The following ADH1A variants were observed in gnomAD, a reference collection of about 807,000 sequenced individuals.
ADH1A encodes alcohol dehydrogenase 1A (class I), alpha polypeptide, also known as alcohol dehydrogenase 1A.
A neutral mutation model predicts 35.2 loss-of-function variants in ADH1A; 29 were observed. The observed-to-expected ratio is 0.82, with a 90% CI of 0.61 to 1.12. The LOEUF (loss-of-function observed/expected upper bound fraction) is 1.12. Ranked by LOEUF, ADH1A falls within the 50% of genes most tolerant of loss-of-function variation. ADH1A has a pLI of 0.00. For missense variants in ADH1A, 469 were observed against 464.7 expected (o/e 1.01, Z -0.09); for synonymous variants, 147 against 164.8 (o/e 0.89, Z 0.83).
chr4:99,283,176 T>G (rs1413195479), intron 5 of ADH1A, among the ~76,000 whole-genome samples: 1 of 152,190 alleles, frequency 6.6e-6, no homozygotes, highest in African/African-American at 2.4e-5. Flanking sequence ...AATACACTAG[T>G]GAATAACACA....
At chr4:99,285,641 T>C (rs1220220598) in intron 3 of ADH1A, among the ~76,000 whole-genome samples, 2 of 152,158 alleles carry the variant, frequency 1.3e-5, no homozygotes, top group Non-Finnish European at 2.9e-5. Context: ...TTATTACTAC[T>C]AAAGAAATTA....
Position 99,286,986 on chromosome 4 carries a change from C to A in ADH1A, c.123G>T (p.Met41Ile). The A allele has an allele frequency of 1.2e-6, 2 of 1,613,578 alleles. No homozygotes were observed. The highest frequency in any genetic ancestry group is 1.7e-6 in the Non-Finnish European group (2 of 1,179,778). The change falls in exon 3 of 9, where the codon ATG (methionine) becomes ATT (isoleucine). Residue 41 changes from methionine to isoleucine, a missense_variant and splice_region_variant. By Grantham distance (10) the Met-to-Ile change is conservative (BLOSUM62 1). Transcript: ENST00000209668. Reference sequence around the variant, plus strand: ...CTGTGCCACAGATTCCTACAGCCACCATCTACAGAGTGAAGAGAAGATGTT... The same window carrying A: ...CTGTGCCACAGATTCCTACAGCCACAATCTACAGAGTGAAGAGAAGATGTT... ...PPKAHEVRIK[M>I]VAVGICGTDD...
At chr4:99,279,112 TA>T (rs1342331974) in intron 8 of ADH1A, among the ~76,000 whole-genome samples, 1 of 151,944 alleles carries the variant, frequency 6.6e-6, no homozygotes, top group African/African-American at 2.4e-5. Context: ...TAATTATGGT[TA>T]TTTAAAAAGA....
Position 99,284,756 on chromosome 4 carries a change from T to C in ADH1A, c.307A>G (p.Ile103Val), listed in dbSNP as rs1179002650. The C allele has an allele frequency of 6.2e-6, 10 of 1,614,236 alleles. No homozygotes were observed. The highest frequency in any genetic ancestry group is 8.5e-6 in the Non-Finnish European group (10 of 1,180,044). Reference protein sequence around the residue: ...LAIPQCGKCRICKNPESNYCL... With the variant: ...LAIPQCGKCRVCKNPESNYCL... ...TAGTTGCTCTCCGGGTTTTTACAAA[T>C]TCTGCATTTTCCACACTGAGGAATA... Residue 103 changes from isoleucine (I) to valine (V), a missense_variant, in exon 4 of 9, where the codon ATT (isoleucine) becomes GTT (valine). Ile to Val is a conservative substitution (Grantham distance 29). Coordinates refer to ENST00000209668, the MANE Select transcript of ADH1A (RefSeq NM_000667.4).
chr4:99,280,134 A>G lies in ADH1A; in HGVS notation c.964+10T>C. 1 of 1,613,814 alleles carries G rather than the reference A, an allele frequency of 6.2e-7. No homozygotes were observed. The highest frequency in any genetic ancestry group is 2.2e-5 in the East Asian group (1 of 44,878). Reference sequence around the variant, plus strand: ...TAATGAGAATTTGGCTCTGAAGCCTAACTACATACCACCAAGAATAGCTCC... The same window carrying G: ...TAATGAGAATTTGGCTCTGAAGCCTGACTACATACCACCAAGAATAGCTCC... On this transcript the variant is annotated intron_variant, in intron 7 of 8. Transcript: ENST00000209668.
At chr4:99,279,069 G>T (rs1201360394) in intron 8 of ADH1A, among the ~76,000 whole-genome samples, 1 of 152,024 alleles carries the variant, frequency 6.6e-6, no homozygotes, top group African/African-American at 2.4e-5. Context: ...TTTTATATAG[G>T]TGGTAGGCAG....
intron 5 of ADH1A, 119 bp downstream of exon 5, chr4:99,284,280 A>G (rs1733083155): frequency 9.2e-7 from 1 of 1,089,972 alleles, no homozygotes; most frequent in Non-Finnish European, 1.4e-6. Context: ...TTGTGTTTCT[A>G]TTCTTAGTCG....
At chr4:99,277,428 T>A (rs1732897385) in intron 8 of ADH1A, among the ~76,000 whole-genome samples, 4 of 152,104 alleles carry the variant, frequency 2.6e-5, no homozygotes, top group Admixed American at 2.6e-4. Flanking sequence ...TAGAAAATGA[T>A]GGTCTTTGTG....
In ADH1A at chr4:99,282,548, A is replaced by G. The variant is rs1204208159; in HGVS notation, c.626T>C (p.Ile209Thr). The change falls in exon 6 of 9, where the codon ATT (isoleucine) becomes ACT (threonine). Residue 209 changes from isoleucine (I) to threonine (T), a missense_variant. By Grantham distance (89) the Ile-to-Thr change is moderately conservative (BLOSUM62 -1). Coordinates refer to ENST00000209668, the MANE Select transcript of ADH1A (RefSeq NM_000667.4). The stretch of plus-strand genomic sequence containing the variant: ...TGCCCCAGCTGCTTTACAGCCCATA[A>G]TAGCAGATAGGCCGACCCCTCCCAG... ...FGLGGVGLSA[I>T]MGCKAAGAAR... The G allele has an allele frequency of 9.9e-6, 16 of 1,614,078 alleles. No individual in the cohort carries two copies. In the Admixed American group the frequency reaches 1.0e-4, roughly 10 times the overall value.
intron 7 of ADH1A, among the ~76,000 whole-genome samples, chr4:99,279,922 A>G (rs1462758568): frequency 6.6e-6 from 1 of 152,160 alleles, no homozygotes; most frequent in Non-Finnish European, 1.5e-5. Context: ...AAGTACGAAA[A>G]CAGATGAAGA....
At position 99,286,864 on chromosome 4, in the gene ADH1A, G is replaced by A. The variant is rs372171102; in HGVS notation, c.245C>T (p.Thr82Ile). 1.1e-5 allele frequency: 18 copies of A among 1,613,942 alleles called. No homozygotes were observed. The African/African-American group carries it at 1.9e-4, about 17-fold the overall frequency. The stretch of plus-strand genomic sequence containing the variant: ...GAATCCTGTACCTGGTTTGACTGTA[G>A]TCACCCCTTCTCCAACACTCTCCAC... Reference protein sequence around the residue: ...GIVESVGEGVTTVKPGDKVIP... With the variant: ...GIVESVGEGVITVKPGDKVIP... The change falls in exon 3 of 9, where the codon ACT becomes ATT. Residue 82 changes from threonine to isoleucine, a missense_variant. By Grantham distance (89) the Thr-to-Ile change is moderately conservative. Coordinates refer to ENST00000209668, the MANE Select transcript of ADH1A (RefSeq NM_000667.4).
Position 99,286,969 on chromosome 4 carries a change from C to T in ADH1A, c.140G>A (p.Cys47Tyr). 1 of 1,614,108 alleles carries T rather than the reference C, an allele frequency of 6.2e-7. No homozygotes were observed. Among genetic ancestry groups the T allele is most frequent in the Non-Finnish European group, 8.5e-7 (1 of 1,179,970 alleles). Residue 47 changes from cysteine (C) to tyrosine (Y), a missense_variant, in exon 3 of 9, where the codon TGT becomes TAT. Cys to Tyr is a radical substitution (Grantham distance 194, BLOSUM62 -2). Transcript: ENST00000209668. The part of the protein sequence containing the change: ...VRIKMVAVGI[C>Y]GTDDHVVSGT... ...ACTAACCACGTGGTCATCTGTGCCA[C>T]AGATTCCTACAGCCACCATCTACAG...
chr4:99,279,653 A>G, intron 7 of ADH1A, 89 bp from the exon 8 acceptor site: 3 of 1,479,590 alleles, frequency 2.0e-6, no homozygotes, highest in Admixed American at 2.2e-5. Context: ...AAAGTTTAGA[A>G]AAGATGCTGC....
At chr4:99,286,717 G>A (rs1030514071) in intron 3 of ADH1A, 133 bp downstream of exon 3, 4 of 1,443,588 alleles carry the variant, frequency 2.8e-6, no homozygotes, top group East Asian at 4.6e-5. Flanking sequence ...AGGGAAAGAG[G>A]AAATCCCTGA....
At chr4:99,283,543 T>C (rs1228688694) in intron 5 of ADH1A, among the ~76,000 whole-genome samples, 2 of 152,156 alleles carry the variant, frequency 1.3e-5, no homozygotes, top group Non-Finnish European at 2.9e-5. Context: ...ATTTTCTAAC[T>C]TACTTAGAAA....
At chr4:99,288,361 G>GTA (rs1733209604) in intron 1 of ADH1A, among the ~76,000 whole-genome samples, 1 of 133,562 alleles carries the variant, frequency 7.5e-6, no homozygotes. Flanking sequence ...GTGTGTGTAT[G>GTA]TGTGTGTGTG....
intron 8 of ADH1A, chr4:99,278,383 C>G (rs1490043482): frequency 6.6e-6 from 1 of 152,126 alleles, no homozygotes; most frequent in Non-Finnish European, 1.5e-5. Context: ...AATTCTGGCT[C>G]TCCTTCCTAC....
At chr4:99,277,783 A>G (rs1346376486) in intron 8 of ADH1A, among the ~76,000 whole-genome samples, 1 of 152,106 alleles carries the variant, frequency 6.6e-6, no homozygotes, top group Non-Finnish European at 1.5e-5. Flanking sequence ...AATTTATTAA[A>G]TCATTTTCCT....
intron 5 of ADH1A, 116 bp from the exon 6 acceptor site, chr4:99,282,722 G>A: frequency 4.1e-6 from 6 of 1,467,488 alleles, no homozygotes; most frequent in Non-Finnish European, 5.5e-6. Context: ...AACCTCTTTT[G>A]GCTTCAGTTG....
Sources: allele counts gnomAD v4.1 joint callset (sites outside exome capture counted in the v4.1 genomes callset), GRCh38; gene constraint gnomAD v4.1.1; transcripts MANE v1.5; gene names NCBI Gene and HGNC (gene_info 2026-07-23, HGNC 2026-07-21).